PRKD1: variants seen among roughly 807,000 people sequenced by gnomAD.
PRKD1 encodes the protein serine/threonine-protein kinase D1.
Under a neutral mutation model 95.9 loss-of-function variants are expected in PRKD1, and 63 were observed. The observed-to-expected ratio is 0.66, with a 90% CI of 0.54 to 0.81. The LOEUF is 0.81. Ranked by LOEUF, PRKD1 falls within the 30% of genes least tolerant of loss-of-function variation. The pLI, the probability that PRKD1 is intolerant of heterozygous loss-of-function variation, is 0.00. For missense variants in PRKD1, 1,048 were observed against 1,165.3 expected (o/e 0.90, Z 1.47); for synonymous variants, 425 against 423.1 (o/e 1.00, Z -0.05).
rs763088813 is a variant in PRKD1 at position 29,577,342 on chromosome 14, G to A, written c.2635C>T (p.Gln879Ter). The part of the protein sequence containing the change: ...WEKYAGEQGL[Q>*]YPTHLINPSA... ...GGATTGATCAGGTGTGTGGGGTACT[G>A]CAGCCCCTGCTCGCCTGCATACTTC... Residue 879 changes from glutamine (Q) to a stop codon, truncating the protein, a stop_gained, in exon 18 of 18, where the codon CAG becomes TAG. Transcript: ENST00000331968. LOFTEE classifies it high-confidence loss of function. 3.7e-6 allele frequency: 6 copies of A among 1,613,666 alleles called. No homozygotes were observed. Among genetic ancestry groups the A allele is most frequent in the Admixed American group, 3.3e-5 (2 of 59,952 alleles).
intron 1 of PRKD1, among the ~76,000 whole-genome samples, chr14:29,858,116 C>A (rs1892575083): frequency 6.6e-6 from 1 of 152,150 alleles, no homozygotes; most frequent in African/African-American, 2.4e-5. Flanking sequence ...TGCTTAAGAT[C>A]AACAATTATT....
At position 29,746,653 on chromosome 14, in the gene PRKD1, C is replaced by T. The variant is rs540712233; in HGVS notation, c.265-20979G>A. Among the ~76,000 whole-genome samples the T allele has an allele frequency of 4.6e-5, 7 of 152,188 alleles. No individual in the cohort carries two copies. In the South Asian group the frequency reaches 1.2e-3, roughly 27 times the overall value. On this transcript the variant is annotated intron_variant, in intron 1 of 17. Transcript: ENST00000331968. Reference sequence around the variant, plus strand: ...CCCCAGTACCCAGGCTCAGAGCAGACAGTCAATAAACAGTCATCGAATGAA... The same window carrying T: ...CCCCAGTACCCAGGCTCAGAGCAGATAGTCAATAAACAGTCATCGAATGAA...
chr14:29,873,187 G>A (rs1893172484), intron 1 of PRKD1, among the ~76,000 whole-genome samples: 2 of 152,156 alleles, frequency 1.3e-5, no homozygotes, highest in Admixed American at 1.3e-4. Flanking sequence ...CCAGGTTCAA[G>A]CGATTCTCCT....
chr14:29,723,703 T>C (rs1015107920), intron 2 of PRKD1, among the ~76,000 whole-genome samples: 2 of 151,522 alleles, frequency 1.3e-5, no homozygotes, highest in African/African-American at 2.4e-5. Flanking sequence ...GTAATTGATA[T>C]ACTAACTGAA....
chr14:29,737,354 A>AAAAAAAAAAAAAAAAAAAAAAAAC (rs1886778037), intron 1 of PRKD1, among the ~76,000 whole-genome samples: 1 of 148,636 alleles, frequency 6.7e-6, no homozygotes, highest in African/African-American at 2.5e-5. Flanking sequence ...AAAAAAAAAA[A>AAAAAAAAAAAAAAAAAAAAAAAAC]AAAAAAAATA....
At position 29,597,484 on chromosome 14, in the gene PRKD1, A is replaced by AT. The variant is rs1893350515; in HGVS notation, c.2434+6dup. 2 of 1,587,044 alleles carry AT rather than the reference A, an allele frequency of 1.3e-6. No individual in the cohort carries two copies. The highest frequency in any genetic ancestry group is 1.7e-6 in the Non-Finnish European group (2 of 1,159,798). ...GATTATTATCATTTTTGAATGGAAG[A>AT]TATTACCTTCATGAGATATTTCCTT... On this transcript the variant is annotated splice_region_variant and intron_variant, in intron 16 of 17. Coordinates refer to ENST00000331968, the MANE Select transcript of PRKD1 (RefSeq NM_002742.3).
rs1892043446 is a variant in PRKD1 at position 29,845,455 on chromosome 14, A to G, written c.264+81794T>C. On this transcript the variant is annotated intron_variant, in intron 1 of 17. Transcript: ENST00000331968. ...TACTTTTAAAAATCGTTGCAAAATT[A>G]CATTTTTTGTATTGAAGTTCAACAT... Among the ~76,000 whole-genome samples, 3 of 152,288 alleles carry G rather than the reference A, an allele frequency of 2.0e-5. No homozygotes were observed. In the South Asian group the frequency reaches 6.2e-4, roughly 32 times the overall value.
intron 7 of PRKD1, among the ~76,000 whole-genome samples, chr14:29,635,555 A>G (rs1449577638): frequency 6.6e-6 from 1 of 152,228 alleles, no homozygotes; most frequent in Non-Finnish European, 1.5e-5. Context: ...GCATTCGTAA[A>G]ATGGACACAA....
chr14:29,780,327 A>C (rs1222812385), intron 1 of PRKD1, among the ~76,000 whole-genome samples: 1 of 152,234 alleles, frequency 6.6e-6, no homozygotes, highest in Non-Finnish European at 1.5e-5. Context: ...ACATCAAAAG[A>C]AACTACCATC....
chr14:29,909,356 G>A (rs1283268703), intron 1 of PRKD1, among the ~76,000 whole-genome samples: 1 of 144,962 alleles, frequency 6.9e-6, no homozygotes, highest in African/African-American at 2.6e-5. Flanking sequence ...CCGCTCCATG[G>A]CGCCCAGTCC....
chr14:29,674,527 T>C (rs1883043234), intron 2 of PRKD1, among the ~76,000 whole-genome samples: 1 of 152,162 alleles, frequency 6.6e-6, no homozygotes, highest in Non-Finnish European at 1.5e-5. Context: ...GGTTGCCCCA[T>C]GTGTCCAACG....
At position 29,921,707 on chromosome 14, in the gene PRKD1, G is replaced by C. The variant is rs117773010; in HGVS notation, c.264+5542C>G. ...ATAAAGTTATAAATCTCCCATAAAA[G>C]CTATGATAGGAATCTGGTGAAAATA... On this transcript the variant is annotated intron_variant, in intron 1 of 17. Coordinates refer to ENST00000331968, the MANE Select transcript of PRKD1 (RefSeq NM_002742.3). 7.2e-3 allele frequency among the ~76,000 whole-genome samples: 1,101 copies of C among 152,198 alleles called. 8 individuals carry two copies. The highest frequency in any genetic ancestry group is 8.9e-3 in the Non-Finnish European group (605 of 68,014).
chr14:29,920,959 C>A (rs1306776332), intron 1 of PRKD1, among the ~76,000 whole-genome samples: 4 of 152,186 alleles, frequency 2.6e-5, no homozygotes, highest in Non-Finnish European at 4.4e-5. Context: ...CATTTCCAAG[C>A]ACCTTCCTTC....
At position 29,597,629 on chromosome 14, in the gene PRKD1, T is replaced by C. The variant is rs1210707657; in HGVS notation, c.2296A>G (p.Met766Val). 3 of 1,614,048 alleles carry C rather than the reference T, an allele frequency of 1.9e-6. No individual in the cohort carries two copies. The highest frequency in any genetic ancestry group is 2.5e-6 in the Non-Finnish European group (3 of 1,179,970). ...RNKGYNRSLD[M>V]WSVGVIIYVS... ...TAGATGATGACCCCAACAGACCACATGTCTAGAGAGCGATTGTAGCCCTTG... is the reference window on the plus strand; with the variant it reads ...TAGATGATGACCCCAACAGACCACACGTCTAGAGAGCGATTGTAGCCCTTG... The change falls in exon 16 of 18, where the codon ATG (methionine) becomes GTG (valine). Residue 766 changes from methionine (M) to valine (V), a missense_variant. By Grantham distance (21) the Met-to-Val change is conservative. Transcript: ENST00000331968.
intron 4 of PRKD1, among the ~76,000 whole-genome samples, chr14:29,646,144 AG>A (rs1346805975): frequency 6.6e-6 from 1 of 152,140 alleles, no homozygotes; most frequent in Admixed American, 6.6e-5. Flanking sequence ...TAATTCAGAA[AG>A]GGGGTTTCCT....
chr14:29,673,151 C>G (rs1882964937), intron 2 of PRKD1, among the ~76,000 whole-genome samples: 1 of 152,162 alleles, frequency 6.6e-6, no homozygotes, highest in Admixed American at 6.5e-5. Flanking sequence ...TAGATACAAA[C>G]TATGCACAAT....
intron 4 of PRKD1, among the ~76,000 whole-genome samples, chr14:29,663,036 GAT>G (rs1194237531): frequency 7.0e-6 from 1 of 142,600 alleles, no homozygotes; most frequent in Non-Finnish European, 1.5e-5. Context: ...ATATCCATAA[GAT>G]ATATATATAT....
At chr14:29,590,006 A>C (rs1893074532) in intron 16 of PRKD1, among the ~76,000 whole-genome samples, 1 of 152,180 alleles carries the variant, frequency 6.6e-6, no homozygotes, top group East Asian at 1.9e-4. Flanking sequence ...TCTATGAATC[A>C]GTGCTGGTCT....
At chr14:29,779,664 CAT>C (rs1386876465) in intron 1 of PRKD1, among the ~76,000 whole-genome samples, 1 of 152,176 alleles carries the variant, frequency 6.6e-6, no homozygotes, top group African/African-American at 2.4e-5. Context: ...AAGAAAATTC[CAT>C]GCTCATAGAT....
Sources: gnomAD v4.1 joint callset for allele counts (sites outside exome capture counted in the v4.1 genomes callset) on GRCh38, gnomAD v4.1.1 for gene constraint, MANE v1.5 for transcripts, NCBI Gene and HGNC (gene_info 2026-07-23, HGNC 2026-07-21) for gene names.